THSD7B: variants seen among roughly 807,000 people sequenced by gnomAD.
THSD7B encodes the protein thrombospondin type-1 domain-containing protein 7B.
In THSD7B, 138 loss-of-function variants were observed where a neutral mutation model predicts 213.6. That is an observed-to-expected ratio of 0.65 (90% confidence interval 0.56 to 0.74). THSD7B has a LOEUF of 0.74. Ranked by LOEUF, THSD7B falls within the 30% of genes least tolerant of loss-of-function variation. The pLI is 0.00. For synonymous variants in THSD7B, 742 were observed against 687.0 expected, an observed-to-expected ratio of 1.08 and a Z score of -1.25; for missense variants, 1,931 against 1,991.5, an observed-to-expected ratio of 0.97 and a Z score of 0.58.
chr2:136,919,502 G>C (rs1378111772), intron 2 of THSD7B, among the ~76,000 whole-genome samples: 4 of 152,156 alleles, frequency 2.6e-5, no homozygotes, highest in African/African-American at 9.7e-5. Context: ...TTTCTAACAG[G>C]CTTATTCTAA....
intron 15 of THSD7B, among the ~76,000 whole-genome samples, chr2:137,516,609 G>A (rs975629234): frequency 4.6e-5 from 7 of 152,168 alleles, no homozygotes; most frequent in Non-Finnish European, 1.0e-4. Flanking sequence ...TGAAGGTCAG[G>A]TAATTTATGG....
At chr2:137,183,322 C>G (rs995401390) in intron 7 of THSD7B, among the ~76,000 whole-genome samples, 5 of 152,068 alleles carry the variant, frequency 3.3e-5, no homozygotes, top group African/African-American at 9.7e-5. Context: ...AAATTTAACA[C>G]TGGTATAATA....
chr2:137,546,404 T>TA lies in THSD7B; in HGVS notation c.3139-16817_3139-16816insA, dbSNP rs1558834273. Among the ~76,000 whole-genome samples, 30 of 39,794 alleles carry TA rather than the reference T, an allele frequency of 7.5e-4. 1 individual carries two copies. Among genetic ancestry groups the TA allele is most frequent in the African/African-American group, 3.4e-3 (19 of 5,508 alleles). The allele number at this position is 39,794 out of a possible 152,430, so 26.1% of individuals were successfully genotyped here. The stretch of plus-strand genomic sequence containing the variant: ...ATATATATTATATATATTATATATA[T>TA]TATATATATATTATATATATTATAT... On this transcript the variant is annotated intron_variant, in intron 15 of 27. Transcript: ENST00000409968.
chr2:137,602,535 T>G (rs1682095093), intron 17 of THSD7B, among the ~76,000 whole-genome samples: 1 of 152,162 alleles, frequency 6.6e-6, no homozygotes, highest in Admixed American at 6.5e-5. Context: ...CCCAAAGTGC[T>G]GGGATTACAG....
rs1296563530 is a variant in THSD7B, at chr2:137,118,036, A to T, written c.1369+2743A>T. 5.3e-5 allele frequency among the ~76,000 whole-genome samples: 8 copies of T among 152,182 alleles called. 1 individual carries two copies. Among genetic ancestry groups the T allele is most frequent in the South Asian group, 2.1e-4 (1 of 4,826 alleles). On this transcript the variant is annotated intron_variant, in intron 5 of 27. Coordinates refer to ENST00000409968, the MANE Select transcript of THSD7B (RefSeq NM_001316349.2). ...GTTCATTGTTCATGTGGTGTTTTAA[A>T]TGCAGCCAAAATAGTGCTGTAACAA...
At chr2:137,592,115 T>C (rs1681876920) in intron 17 of THSD7B, among the ~76,000 whole-genome samples, 1 of 151,828 alleles carries the variant, frequency 6.6e-6, no homozygotes, top group African/African-American at 2.4e-5. Context: ...ATGCCTTGTA[T>C]TTTTCTGTGC....
intron 9 of THSD7B, 98 bp from the exon 10 acceptor site, chr2:137,242,359 T>A: frequency 1.2e-6 from 1 of 858,686 alleles, no homozygotes; most frequent in Non-Finnish European, 1.9e-6. Flanking sequence ...TAAGGGAACA[T>A]GAGGCCCTTA....
intron 16 of THSD7B, among the ~76,000 whole-genome samples, chr2:137,572,012 A>G (rs1573716841): frequency 6.6e-6 from 1 of 152,242 alleles, no homozygotes. Flanking sequence ...GGTTCTAGCT[A>G]TCACAAAGTG....
At chr2:137,364,071 G>T (rs1277470076) in intron 12 of THSD7B, among the ~76,000 whole-genome samples, 1 of 152,212 alleles carries the variant, frequency 6.6e-6, no homozygotes, top group Non-Finnish European at 1.5e-5. Flanking sequence ...TCCCTGGAAT[G>T]CAAGGCTGGT....
intron 4 of THSD7B, among the ~76,000 whole-genome samples, chr2:137,102,570 A>T (rs1023371223): frequency 6.6e-6 from 1 of 152,178 alleles, no homozygotes; most frequent in African/African-American, 2.4e-5. Context: ...GCTTCAGAAG[A>T]TGGGTAATAA....
At position 137,233,058 on chromosome 2, in the gene THSD7B, C is replaced by G. The variant is rs768551096; in HGVS notation, c.2075C>G (p.Ala692Gly). The change falls in exon 9 of 28, where the codon GCC (alanine) becomes GGC (glycine). Residue 692 changes from alanine (A) to glycine (G), a missense_variant. Transcript: ENST00000409968. ...LNATIGWNGE[A>G]TCGVGIQTRR... ...GCAACCATTGGCTGGAATGGAGAAG[C>G]CACGTGTGGTGTAGGCATTCAGACT... is the stretch of plus-strand genomic sequence containing the variant. 31 of 1,613,790 alleles carry G rather than the reference C, an allele frequency of 1.9e-5. No homozygotes were observed. The highest frequency in any genetic ancestry group is 2.5e-5 in the Non-Finnish European group (29 of 1,179,854).
chr2:137,612,842 G>C (rs1682313199), intron 17 of THSD7B, among the ~76,000 whole-genome samples: 2 of 152,092 alleles, frequency 1.3e-5, no homozygotes, highest in African/African-American at 4.8e-5. Context: ...CTTCAAAATT[G>C]ATTAGGACAC....
chr2:137,307,459 A>C (rs191570625), intron 12 of THSD7B, among the ~76,000 whole-genome samples: 1 of 152,140 alleles, frequency 6.6e-6, no homozygotes, highest in Non-Finnish European at 1.5e-5. Flanking sequence ...CTGTGAATCA[A>C]TACGAATTTC....
chr2:137,575,303 C>T (rs1328869688), intron 17 of THSD7B, among the ~76,000 whole-genome samples: 2 of 151,968 alleles, frequency 1.3e-5, no homozygotes, highest in Non-Finnish European at 2.9e-5. Flanking sequence ...ACCTTGTTTG[C>T]CACATGGTTG....
intron 14 of THSD7B, among the ~76,000 whole-genome samples, chr2:137,424,041 T>C (rs1686985875): frequency 6.6e-6 from 1 of 152,018 alleles, no homozygotes; most frequent in South Asian, 2.1e-4. Context: ...TCAACAAGGG[T>C]ACTATGACTG....
chr2:136,851,209 C>T (rs1016369135), intron 1 of THSD7B, among the ~76,000 whole-genome samples: 3 of 151,966 alleles, frequency 2.0e-5, no homozygotes, highest in East Asian at 1.9e-4. Flanking sequence ...TAAATTATGG[C>T]GAAGTCTCAT....
chr2:137,250,732 CAA>C (rs1682153847), intron 10 of THSD7B, among the ~76,000 whole-genome samples: 1 of 152,116 alleles, frequency 6.6e-6, no homozygotes, highest in Admixed American at 6.5e-5. Flanking sequence ...GAGTTGAACA[CAA>C]AACTACCTGA....
chr2:137,083,842 T>C (rs570843698), intron 3 of THSD7B, among the ~76,000 whole-genome samples: 16 of 152,264 alleles, frequency 1.1e-4, no homozygotes, highest in African/African-American at 3.8e-4. Flanking sequence ...TGGATAGCAC[T>C]GTTTTTGTTA....
chr2:137,014,679 G>A (rs541659966), intron 2 of THSD7B, among the ~76,000 whole-genome samples: 39 of 152,262 alleles, frequency 2.6e-4, no homozygotes, highest in African/African-American at 8.2e-4. Flanking sequence ...TTATGGCCAC[G>A]GCAACCAGCT....
Sources: gnomAD v4.1 joint callset for allele counts (sites outside exome capture counted in the v4.1 genomes callset) on GRCh38, gnomAD v4.1.1 for gene constraint, MANE v1.5 for transcripts, NCBI Gene and HGNC (gene_info 2026-07-23, HGNC 2026-07-21) for gene names.